Variants in ASIC2 observed in about 807,000 individuals in gnomAD.
ASIC2 encodes acid sensing ion channel subunit 2, also known as acid-sensing ion channel 2.
A neutral mutation model predicts 57.3 loss-of-function variants in ASIC2; 25 were observed. The ratio of observed to expected loss-of-function variants is 0.44; its 90% CI spans 0.32 to 0.61. The LOEUF is 0.61. ASIC2 is among the 20% of genes least tolerant of loss of function. The pLI, the probability that ASIC2 is intolerant of heterozygous loss-of-function variation, is 0.06. For synonymous variants in ASIC2, 319 were observed against 307.5 expected, an observed-to-expected ratio of 1.04 and a Z score of -0.39; for missense variants, 641 against 738.1, an observed-to-expected ratio of 0.87 and a Z score of 1.52.
At chr17:33,712,069 T>G (rs893816316) in intron 1 of ASIC2, among the ~76,000 whole-genome samples, 1 of 152,156 alleles carries the variant, frequency 6.6e-6, no homozygotes, top group Admixed American at 6.5e-5. Context: ...AGAAAGGAAT[T>G]CCCAAGAGTG....
At chr17:33,733,287 C>T (rs73282768) in intron 1 of ASIC2, among the ~76,000 whole-genome samples, 3,188 of 152,276 alleles carry the variant, frequency 0.021, 99 homozygotes, top group African/African-American at 0.072. Context: ...TTGCCTTAGC[C>T]TTAGAGAGCT....
At position 33,375,971 on chromosome 17, in the gene ASIC2, C is replaced by T. The variant is rs545947265; in HGVS notation, c.556-263904G>A. ...TATCGACACAATGAGTTTAATATGT[C>T]TGTTAGACATCTGAATGGAGACGTT... On this transcript the variant is annotated intron_variant, in intron 1 of 9. Coordinates refer to the ASIC2 transcript ENST00000359872. Among the ~76,000 whole-genome samples the T allele has an allele frequency of 7.2e-5, 11 of 152,246 alleles. No individual in the cohort carries two copies. The South Asian group carries it at 1.9e-3, about 26-fold the overall frequency.
chr17:33,256,504 T>G (rs17248832), intron 1 of ASIC2, among the ~76,000 whole-genome samples: 1 of 152,092 alleles, frequency 6.6e-6, no homozygotes, highest in African/African-American at 2.4e-5. Flanking sequence ...TTCATGATAA[T>G]AGAGAAATGA....
At chr17:33,979,478 C>T in intron 1 of ASIC2, among the ~76,000 whole-genome samples, 1 of 152,030 alleles carries the variant, frequency 6.6e-6, no homozygotes, top group East Asian at 1.9e-4. Context: ...TTTAAGAAAT[C>T]CAGAAAAGTC....
Position 33,610,716 on chromosome 17 carries a change from A to AAAATAAAT in ASIC2, c.556-498657_556-498650dup, listed in dbSNP as rs10677853. 3.0e-3 allele frequency among the ~76,000 whole-genome samples: 450 copies of AAAATAAAT among 149,246 alleles called. 4 individuals carry two copies. The highest frequency in any genetic ancestry group is 0.011 in the African/African-American group (427 of 39,118). The stretch of plus-strand genomic sequence containing the variant: ...CCCAGATTCTGCAATAAATAAATAA[A>AAAATAAAT]AAATAAATAAATAAATAAATAAATA... On this transcript the variant is annotated intron_variant, in intron 1 of 9. Coordinates refer to the ASIC2 transcript ENST00000359872.
intron 1 of ASIC2, among the ~76,000 whole-genome samples, chr17:33,572,740 A>G (rs1024987238): frequency 5.9e-5 from 9 of 152,034 alleles, no homozygotes; most frequent in Admixed American, 2.6e-4. Flanking sequence ...GTCACTCCCA[A>G]GTAGAACACT....
Position 33,371,085 on chromosome 17 carries a change from A to G in ASIC2, c.556-259018T>C, listed in dbSNP as rs533720569. Among the ~76,000 whole-genome samples the G allele has an allele frequency of 2.0e-5, 3 of 152,312 alleles. No homozygotes were observed. The South Asian group carries it at 6.2e-4, about 32-fold the overall frequency. ...ATATCACAAGGGTTTGTGATAAAAGATTAGTTTTCTTTATTACTATATTTT... is the reference window on the plus strand; with the variant it reads ...ATATCACAAGGGTTTGTGATAAAAGGTTAGTTTTCTTTATTACTATATTTT... On this transcript the variant is annotated intron_variant, in intron 1 of 9. Transcript: ENST00000359872.
At chr17:33,855,248 A>T (rs561660349) in intron 1 of ASIC2, among the ~76,000 whole-genome samples, 1 of 152,296 alleles carries the variant, frequency 6.6e-6, no homozygotes, top group Non-Finnish European at 1.5e-5. Flanking sequence ...AGCCAACTCC[A>T]GACTGGAGAC....
At chr17:33,269,781 T>TCCTTCCTTCCTTCC (rs1597659507) in intron 1 of ASIC2, among the ~76,000 whole-genome samples, 1 of 150,764 alleles carries the variant, frequency 6.6e-6, no homozygotes, top group African/African-American at 2.4e-5. Flanking sequence ...CTTCTTTCCT[T>TCCTTCCTTCCTTCC]TTTCTAGTTT....
chr17:33,829,154 C>T (rs1913028907), intron 1 of ASIC2, among the ~76,000 whole-genome samples: 1 of 152,128 alleles, frequency 6.6e-6, no homozygotes, highest in African/African-American at 2.4e-5. Flanking sequence ...AGAGACCCCA[C>T]CTGGTCAACA....
chr17:34,059,054 G>C (rs749977794), intron 1 of ASIC2, among the ~76,000 whole-genome samples: 6 of 152,204 alleles, frequency 3.9e-5, no homozygotes, highest in Non-Finnish European at 8.8e-5. Flanking sequence ...GTGGAGGCTT[G>C]CACTGTAGAT....
At chr17:33,772,629 C>A (rs1425571047) in intron 1 of ASIC2, among the ~76,000 whole-genome samples, 1 of 152,170 alleles carries the variant, frequency 6.6e-6, no homozygotes, top group South Asian at 2.1e-4. Flanking sequence ...CAAAGATACA[C>A]TATATCCTAT....
intron 1 of ASIC2, among the ~76,000 whole-genome samples, chr17:33,588,003 G>A (rs1048463134): frequency 6.6e-5 from 10 of 152,126 alleles, no homozygotes; most frequent in African/African-American, 2.4e-4. Context: ...TCATTATAAA[G>A]ATTTAGGAAC....
intron 1 of ASIC2, among the ~76,000 whole-genome samples, chr17:33,622,792 C>T (rs187575976): frequency 4.6e-4 from 70 of 152,300 alleles, no homozygotes; most frequent in African/African-American, 1.5e-3. Context: ...CAGCTGCACA[C>T]ATACTGACCA....
At chr17:34,086,777 C>A (rs1021532603) in intron 1 of ASIC2, among the ~76,000 whole-genome samples, 1 of 152,102 alleles carries the variant, frequency 6.6e-6, no homozygotes, top group African/African-American at 2.4e-5. Context: ...TGAATTGATC[C>A]CTTTCCCATT....
intron 1 of ASIC2, among the ~76,000 whole-genome samples, chr17:33,312,879 T>C (rs1473192702): frequency 6.6e-6 from 1 of 152,232 alleles, no homozygotes; most frequent in South Asian, 2.1e-4. Flanking sequence ...GAGGTTGCAG[T>C]GAGCTGAGAT....
intron 1 of ASIC2, among the ~76,000 whole-genome samples, chr17:34,119,346 T>C (rs373931042): frequency 7.9e-5 from 12 of 152,306 alleles, no homozygotes; most frequent in East Asian, 1.9e-4. Context: ...CAAAGCATTA[T>C]TGTATCAAGT....
At chr17:33,504,337 G>A (rs1297755444) in intron 1 of ASIC2, among the ~76,000 whole-genome samples, 1 of 152,126 alleles carries the variant, frequency 6.6e-6, no homozygotes, top group Non-Finnish European at 1.5e-5. Context: ...AATCGTGTTA[G>A]TATCTTTTTT....
At chr17:33,399,840 G>A (rs1336558362) in intron 1 of ASIC2, among the ~76,000 whole-genome samples, 1 of 152,150 alleles carries the variant, frequency 6.6e-6, no homozygotes, top group Non-Finnish European at 1.5e-5. Context: ...CCGTCTCTGG[G>A]TTCAGTGTGG....
Sources: allele counts gnomAD v4.1 joint callset (sites outside exome capture counted in the v4.1 genomes callset), GRCh38; gene constraint gnomAD v4.1.1; transcripts MANE v1.5; gene names NCBI Gene and HGNC (gene_info 2026-07-23, HGNC 2026-07-21).